The following EXOC4 variants were observed in gnomAD, a reference collection of about 807,000 sequenced individuals.
EXOC4 encodes the protein SEC8-like 1.
In EXOC4, 71 loss-of-function variants were observed where a neutral mutation model predicts 107.2. The observed-to-expected ratio is 0.66, with a 90% CI of 0.55 to 0.81. EXOC4 has a LOEUF of 0.81. EXOC4 is among the 30% of genes least tolerant of loss of function. The probability of loss-of-function intolerance (pLI) is 0.00; values close to 1 mark genes in which losing one functional copy is unlikely to be tolerated. For synonymous variants in EXOC4, 456 were observed against 441.2 expected (o/e 1.03, Z -0.42); for missense variants, 1,108 against 1,189.6 (o/e 0.93, Z 1.01).
At chr7:133,610,989 T>A (rs1461824454) in intron 9 of EXOC4, among the ~76,000 whole-genome samples, 2 of 144,034 alleles carry the variant, frequency 1.4e-5, no homozygotes, top group East Asian at 4.0e-4. Context: ...TTTCTCTATT[T>A]TTTTTTTTTT....
At chr7:133,904,004 G>A (rs1799512965) in intron 12 of EXOC4, among the ~76,000 whole-genome samples, 1 of 152,138 alleles carries the variant, frequency 6.6e-6, no homozygotes, top group South Asian at 2.1e-4. Context: ...GGAGTAGTAG[G>A]GATGAAAACT....
rs146206657 is a variant in EXOC4 at position 133,341,607 on chromosome 7, C to T, written c.764-14723C>T. Among the ~76,000 whole-genome samples, 728 of 152,216 alleles carry T rather than the reference C, an allele frequency of 4.8e-3. 4 individuals carry two copies. Among genetic ancestry groups the T allele is most frequent in the African/African-American group, 0.017 (709 of 41,526 alleles). On this transcript the variant is annotated intron_variant, in intron 5 of 17. Transcript: ENST00000253861. ...CTTTGTTGAGTTTCTGTCTTGATGA[C>T]CTGTCTAGTGCTGTCAGTGGAGTAT...
At chr7:133,934,819 C>T (rs1370923214) in intron 13 of EXOC4, among the ~76,000 whole-genome samples, 2 of 151,872 alleles carry the variant, frequency 1.3e-5, no homozygotes, top group Non-Finnish European at 2.9e-5. Flanking sequence ...GACTGAGTGA[C>T]AGCCAAGGGA....
chr7:133,347,887 A>G (rs527655909), intron 5 of EXOC4, among the ~76,000 whole-genome samples: 1 of 152,302 alleles, frequency 6.6e-6, no homozygotes, highest in African/African-American at 2.4e-5. Context: ...AGAAATCTTT[A>G]CTCATTAAGA....
At chr7:133,960,034 G>A (rs566471722) in intron 14 of EXOC4, among the ~76,000 whole-genome samples, 1 of 152,286 alleles carries the variant, frequency 6.6e-6, no homozygotes, top group South Asian at 2.1e-4. Flanking sequence ...GTTACGGAAA[G>A]AGAAAGATCT....
intron 1 of EXOC4, among the ~76,000 whole-genome samples, chr7:133,265,679 A>G (rs1379689640): frequency 1.3e-5 from 2 of 152,188 alleles, no homozygotes; most frequent in African/African-American, 2.4e-5. Flanking sequence ...AGGGATTTCC[A>G]TTCATTGTTT....
At chr7:133,449,607 T>C (rs1798294230) in intron 7 of EXOC4, among the ~76,000 whole-genome samples, 1 of 152,216 alleles carries the variant, frequency 6.6e-6, no homozygotes, top group African/African-American at 2.4e-5. Context: ...TTTTTGTAAG[T>C]TCCTTATTCT....
chr7:133,737,963 G>C (rs1795484120), intron 10 of EXOC4, among the ~76,000 whole-genome samples: 1 of 110,250 alleles, frequency 9.1e-6, no homozygotes, highest in Admixed American at 1.5e-4. Flanking sequence ...TTAGGTTGGA[G>C]TGCAGTGGTG....
chr7:133,558,224 T>TTCTTTTCTTTTCTTA (rs1306387814), intron 9 of EXOC4, among the ~76,000 whole-genome samples: 1 of 149,420 alleles, frequency 6.7e-6, no homozygotes, highest in Non-Finnish European at 1.5e-5. Flanking sequence ...TTCTTTTCTT[T>TTCTTTTCTTTTCTTA]TCTTTTCTTT....
chr7:133,785,680 T>C lies in EXOC4; in HGVS notation c.1515-31645T>C, dbSNP rs1796553284. Among the ~76,000 whole-genome samples, 19 of 39,350 alleles carry C rather than the reference T, an allele frequency of 4.8e-4. No homozygotes were observed. The South Asian group carries it at 0.023, about 48-fold the overall frequency. The allele number at this position is 39,350 out of a possible 152,430, so 25.8% of individuals were successfully genotyped here. A position where few individuals can be genotyped will look rare whatever the true frequency, so the allele number is the denominator to read the frequency against. ...ATGGGCACATGTTTTGTTTTTGTTT[T>C]TGTTTTTTTTGAGACGGAGTCTCGT... On this transcript the variant is annotated intron_variant, in intron 10 of 17. Transcript: ENST00000253861.
At chr7:133,491,527 T>C (rs1563085479) in intron 9 of EXOC4, among the ~76,000 whole-genome samples, 1 of 152,212 alleles carries the variant, frequency 6.6e-6, no homozygotes, top group Non-Finnish European at 1.5e-5. Flanking sequence ...GAGCTCTAGG[T>C]TATTCATCTG....
At chr7:133,993,457 C>T (rs1348108591) in intron 14 of EXOC4, among the ~76,000 whole-genome samples, 2 of 151,986 alleles carry the variant, frequency 1.3e-5, no homozygotes, top group East Asian at 3.9e-4. Flanking sequence ...GAAGGGATTA[C>T]AGCATTAAAG....
chr7:133,583,365 C>G (rs1801323968), intron 9 of EXOC4, among the ~76,000 whole-genome samples: 1 of 152,120 alleles, frequency 6.6e-6, no homozygotes, highest in African/African-American at 2.4e-5. Context: ...GTGTGCTGGG[C>G]ACTGAAGAAT....
At position 133,348,932 on chromosome 7, in the gene EXOC4, C is replaced by G. The variant is rs540271917; in HGVS notation, c.764-7398C>G. ...GTTTATTTGTTAAATCCCATATCAT[C>G]AAATGCACTCCACATTGCAAGTAAA... is the stretch of plus-strand genomic sequence containing the variant. On this transcript the variant is annotated intron_variant, in intron 5 of 17. Coordinates refer to ENST00000253861, the MANE Select transcript of EXOC4 (RefSeq NM_021807.4). Among the ~76,000 whole-genome samples, 12 of 152,254 alleles carry G rather than the reference C, an allele frequency of 7.9e-5. No individual in the cohort carries two copies. The South Asian group carries it at 2.5e-3, about 32-fold the overall frequency.
intron 9 of EXOC4, among the ~76,000 whole-genome samples, chr7:133,596,451 G>A (rs1358369988): frequency 6.6e-6 from 1 of 152,180 alleles, no homozygotes; most frequent in Non-Finnish European, 1.5e-5. Flanking sequence ...TTTATCCTCT[G>A]TTTCCATAAC....
intron 9 of EXOC4, among the ~76,000 whole-genome samples, chr7:133,619,040 G>A (rs1802263198): frequency 6.6e-6 from 1 of 152,078 alleles, no homozygotes; most frequent in South Asian, 2.1e-4. Context: ...AAAGTTGACT[G>A]TTGCCAGTTA....
rs779705839 is a variant in EXOC4 at position 133,306,073 on chromosome 7, T to A, written c.656+12T>A. The A allele has an allele frequency of 1.2e-6, 2 of 1,604,890 alleles. No individual in the cohort carries two copies. Among genetic ancestry groups the A allele is most frequent in the Non-Finnish European group, 1.7e-6 (2 of 1,174,952 alleles). On this transcript the variant is annotated intron_variant, in intron 4 of 17. Coordinates refer to ENST00000253861, the MANE Select transcript of EXOC4 (RefSeq NM_021807.4). ...AAAGGGAAAATCAGGTTAAAGAGGC[T>A]CTTTGCTATAAGTGTCTTGTGGCAG...
chr7:133,567,447 T>C (rs59196072), intron 9 of EXOC4, among the ~76,000 whole-genome samples: 20,128 of 152,114 alleles, frequency 0.13, 1,430 homozygotes, highest in East Asian at 0.24. Context: ...GCATTCATGT[T>C]GTTTCTAGTC....
intron 10 of EXOC4, among the ~76,000 whole-genome samples, chr7:133,655,367 T>C (rs1397732064): frequency 1.3e-5 from 2 of 152,136 alleles, no homozygotes; most frequent in Admixed American, 1.3e-4. Flanking sequence ...CTAAGCTATA[T>C]TGAAATATAC....
Sources: allele counts gnomAD v4.1 joint callset (sites outside exome capture counted in the v4.1 genomes callset), GRCh38; gene constraint gnomAD v4.1.1; transcripts MANE v1.5; gene names NCBI Gene and HGNC (gene_info 2026-07-23, HGNC 2026-07-21).